The following BCAT1 variants were observed in gnomAD, a reference collection of about 807,000 sequenced individuals.
BCAT1 encodes the protein branched chain amino acid transaminase 1.
A neutral mutation model predicts 52.4 loss-of-function variants in BCAT1; 48 were observed. That is an observed-to-expected ratio of 0.92 (90% confidence interval 0.73 to 1.16). The LOEUF is 1.16. Among genes scored for constraint, BCAT1 ranks in the 50% most tolerant of loss-of-function variants. BCAT1 has a pLI of 0.00. For missense variants in BCAT1, 451 were observed against 457.1 expected (o/e 0.99, Z 0.12); for synonymous variants, 167 against 161.3 (o/e 1.04, Z -0.27).
intron 6 of BCAT1, among the ~76,000 whole-genome samples, chr12:24,844,626 C>T (rs1941278989): frequency 2.0e-5 from 3 of 151,706 alleles, no homozygotes; most frequent in African/African-American, 7.3e-5. Context: ...GGGCCAGGCG[C>T]GGTGGCTCAC....
intron 3 of BCAT1, among the ~76,000 whole-genome samples, chr12:24,887,081 ATATATATATAT>A (rs1343643654): frequency 2.3e-4 from 10 of 42,826 alleles, no homozygotes; most frequent in South Asian, 7.8e-4. Context: ...AAAAAAAAAA[ATATATATATAT>A]ATATATATAT....
intron 9 of BCAT1, among the ~76,000 whole-genome samples, chr12:24,831,177 C>T (rs1370573160): frequency 6.6e-6 from 1 of 152,164 alleles, no homozygotes; most frequent in Non-Finnish European, 1.5e-5. Context: ...GATCCACTTC[C>T]ATGTAATGAA....
intron 1 of BCAT1, among the ~76,000 whole-genome samples, chr12:24,943,350 G>A (rs895911871): frequency 5.9e-5 from 9 of 151,762 alleles, no homozygotes; most frequent in African/African-American, 7.3e-5. Context: ...AAAATTCACC[G>A]GGCGTGGTGG....
chr12:24,902,801 A>C lies in BCAT1; in HGVS notation c.7-916T>G, dbSNP rs146177344. The C allele has an allele frequency of 2.1e-5, 25 of 1,175,964 alleles. No individual in the cohort carries two copies. In the African/African-American group the frequency reaches 2.8e-4, roughly 13 times the overall value. The allele number at this position is 1,175,964 out of a possible 1,614,324, so 72.8% of individuals were successfully genotyped here. A position where few individuals can be genotyped will look rare whatever the true frequency, so the allele number is the denominator to read the frequency against. On this transcript the variant is annotated intron_variant, in intron 1 of 10. Transcript: ENST00000261192. Reference sequence around the variant, plus strand: ...TTTCGGGCAGGGATGCGGGGAAGGGAAGACGCCTCGCTGGAGGCGGAATGG... The same window carrying C: ...TTTCGGGCAGGGATGCGGGGAAGGGCAGACGCCTCGCTGGAGGCGGAATGG...
At chr12:24,883,338 A>T (rs1188156933) in intron 3 of BCAT1, among the ~76,000 whole-genome samples, 1 of 152,242 alleles carries the variant, frequency 6.6e-6, no homozygotes, top group Non-Finnish European at 1.5e-5. Flanking sequence ...AATGGCTACT[A>T]TCAAAAAGAT....
rs879340777 is a variant in BCAT1 at position 24,824,288 on chromosome 12, C to T, written c.1119+5535G>A. ...CTTCATTCCCTCCCTCCCTCCCTCC[C>T]TCCCTCCCTCCCTCCTTCCTTTCGA... On this transcript the variant is annotated intron_variant, in intron 10 of 10. Transcript: ENST00000261192. Among the ~76,000 whole-genome samples, 241 of 68,304 alleles carry T rather than the reference C, an allele frequency of 3.5e-3. 9 individuals are homozygous for T. The highest frequency in any genetic ancestry group is 0.019 in the Middle Eastern group (2 of 106). 44.8% of individuals were successfully genotyped at this position (68,304 alleles called of 152,430 possible). A position where few individuals can be genotyped will look rare whatever the true frequency, so the allele number is the denominator to read the frequency against.
intron 1 of BCAT1, among the ~76,000 whole-genome samples, chr12:24,944,806 T>C (rs1271837163): frequency 6.6e-6 from 1 of 152,282 alleles, no homozygotes; most frequent in Admixed American, 6.5e-5. Flanking sequence ...CATATGTTTT[T>C]CAGTATGACT....
intron 1 of BCAT1, chr12:24,902,130 G>C: frequency 6.9e-7 from 1 of 1,448,584 alleles, no homozygotes; most frequent in Non-Finnish European, 9.0e-7. Context: ...GCCGGCTCAG[G>C]GAAGACTGGT....
chr12:24,942,069 C>T (rs772892166), intron 1 of BCAT1, among the ~76,000 whole-genome samples: 2 of 152,066 alleles, frequency 1.3e-5, no homozygotes, highest in African/African-American at 2.4e-5. Flanking sequence ...GGAATGACAT[C>T]GAACAGCACA....
At chr12:24,858,110 G>A (rs1295025623) in intron 5 of BCAT1, among the ~76,000 whole-genome samples, 1 of 152,148 alleles carries the variant, frequency 6.6e-6, no homozygotes, top group African/African-American at 2.4e-5. Flanking sequence ...CCCAGAAACT[G>A]CATGTTTTCC....
chr12:24,849,914 C>A lies in BCAT1; in HGVS notation c.546G>T (p.Leu182=). The part of the protein sequence containing the change: ...SLGVKKPTKA[L]LFVLLSPVGP... The stretch of plus-strand genomic sequence containing the variant: ...CCACTGGGCTCAAGAGTACAAAGAG[C>A]AGGGCTTTGGTAGGCTTCTTGACTC... Residue 182 remains leucine (L), a synonymous_variant, in exon 6 of 11, where the codon CTG becomes CTT. Coordinates refer to ENST00000261192, the MANE Select transcript of BCAT1 (RefSeq NM_005504.7). The A allele has an allele frequency of 6.2e-7, 1 of 1,612,678 alleles. No individual in the cohort carries two copies.
At chr12:24,889,322 C>A (rs1942772271) in intron 3 of BCAT1, among the ~76,000 whole-genome samples, 1 of 152,148 alleles carries the variant, frequency 6.6e-6, no homozygotes, top group South Asian at 2.1e-4. Context: ...ATCTTAGAAC[C>A]CAATTTGGCA....
chr12:24,921,984 T>C (rs916962495), intron 1 of BCAT1, among the ~76,000 whole-genome samples: 1 of 151,998 alleles, frequency 6.6e-6, no homozygotes, highest in Admixed American at 6.6e-5. Context: ...TGTGCACACA[T>C]ACACACATAC....
intron 5 of BCAT1, among the ~76,000 whole-genome samples, chr12:24,870,367 G>A (rs1942148317): frequency 6.6e-6 from 1 of 152,180 alleles, no homozygotes; most frequent in South Asian, 2.1e-4. Context: ...CAAGAAAGCT[G>A]ATAGCTCAGA....
At chr12:24,841,147 A>G (rs1165155775) in intron 7 of BCAT1, among the ~76,000 whole-genome samples, 1 of 152,220 alleles carries the variant, frequency 6.6e-6, no homozygotes. Flanking sequence ...TCTATAGTGG[A>G]TATATGAAAT....
intron 1 of BCAT1, among the ~76,000 whole-genome samples, chr12:24,922,446 T>G (rs1943511785): frequency 6.6e-6 from 1 of 152,204 alleles, no homozygotes; most frequent in Non-Finnish European, 1.5e-5. Flanking sequence ...TTTTCATACT[T>G]AAAACAACCC....
At chr12:24,933,513 T>C (rs1217023029) in intron 1 of BCAT1, among the ~76,000 whole-genome samples, 1 of 151,920 alleles carries the variant, frequency 6.6e-6, no homozygotes, top group Non-Finnish European at 1.5e-5. Context: ...TCTGATATGG[T>C]TTGGTTTGGC....
chr12:24,887,718 A>C (rs1443138690), intron 3 of BCAT1, among the ~76,000 whole-genome samples: 1 of 152,230 alleles, frequency 6.6e-6, no homozygotes, highest in Non-Finnish European at 1.5e-5. Context: ...TTTTAAAATT[A>C]TGCTTTATTT....
At chr12:24,852,700 A>G (rs1941552190) in intron 5 of BCAT1, among the ~76,000 whole-genome samples, 1 of 152,216 alleles carries the variant, frequency 6.6e-6, no homozygotes, top group Admixed American at 6.5e-5. Context: ...ACCTCTAAGT[A>G]ATATTTTTAT....
Sources: gnomAD v4.1 joint callset for allele counts (sites outside exome capture counted in the v4.1 genomes callset) on GRCh38, gnomAD v4.1.1 for gene constraint, MANE v1.5 for transcripts, NCBI Gene and HGNC (gene_info 2026-07-23, HGNC 2026-07-21) for gene names.